The following AKAP9 variants were observed in gnomAD, a reference collection of about 807,000 sequenced individuals.
AKAP9 encodes the protein A-kinase anchoring protein 9.
AKAP9 carries 311 observed loss-of-function variants against 488.5 expected under a neutral mutation model. That is an observed-to-expected ratio of 0.64 (90% confidence interval 0.58 to 0.70). The LOEUF (loss-of-function observed/expected upper bound fraction) is 0.70. Among genes scored for constraint, AKAP9 ranks in the 30% least tolerant of loss-of-function variants. AKAP9 has a pLI of 0.00. For synonymous variants in AKAP9, 1,462 were observed against 1,483.5 expected, an observed-to-expected ratio of 0.99 and a Z score of 0.33; for missense variants, 4,215 against 4,374.5, an observed-to-expected ratio of 0.96 and a Z score of 1.03.
At chr7:91,978,715 T>C (rs1796009114) in intron 2 of AKAP9, among the ~76,000 whole-genome samples, 1 of 151,934 alleles carries the variant, frequency 6.6e-6, no homozygotes, top group African/African-American at 2.4e-5. Flanking sequence ...GATTTTTCTT[T>C]CAGAGAAATT....
chr7:92,089,308 T>G, intron 37 of AKAP9, 77 bp from the exon 38 acceptor site: 1 of 1,531,690 alleles, frequency 6.5e-7, no homozygotes, highest in Non-Finnish European at 9.0e-7. Flanking sequence ...CCATTCATTC[T>G]TCTTTAGATT....
intron 22 of AKAP9, among the ~76,000 whole-genome samples, chr7:92,054,211 C>T (rs1404093472): frequency 6.6e-6 from 1 of 152,106 alleles, no homozygotes; most frequent in African/African-American, 2.4e-5. Context: ...CTAAAATTAT[C>T]TTGAACCTGA....
intron 7 of AKAP9, among the ~76,000 whole-genome samples, chr7:91,998,495 A>G (rs913735993): frequency 1.4e-5 from 2 of 138,026 alleles, no homozygotes; most frequent in African/African-American, 2.7e-5. Context: ...GTACTTTGAA[A>G]TAAGTGATAC....
intron 37 of AKAP9, among the ~76,000 whole-genome samples, chr7:92,087,968 C>T (rs1468420476): frequency 1.3e-5 from 2 of 151,830 alleles, no homozygotes; most frequent in Non-Finnish European, 2.9e-5. Context: ...TAGGAAATCA[C>T]CCTTTATTAA....
At position 92,089,428 on chromosome 7, in the gene AKAP9, A is replaced by G; in HGVS notation, c.9257A>G (p.Asp3086Gly). The change falls in exon 38 of 50, where the codon GAT (aspartate) becomes GGT (glycine). Residue 3086 changes from aspartate (D) to glycine (G), a missense_variant. By Grantham distance (94) the Asp-to-Gly change is moderately conservative (BLOSUM62 -1). This residue lies in a region of AKAP9 where 1,476 missense variants were observed against 1,477.4 expected (regional missense o/e 1.00). Coordinates refer to ENST00000356239, the MANE Select transcript of AKAP9 (RefSeq NM_005751.5). ...GCTATGGAATGCCTCCAGAAAGCAG[A>G]TAGAAGGAGTTTGTTATCTGAAATT... ...QAAMECLQKA[D>G]RRSLLSEIQA... 1.2e-6 allele frequency: 2 copies of G among 1,612,358 alleles called. No individual in the cohort carries two copies. Among genetic ancestry groups the G allele is most frequent in the East Asian group, 2.2e-5 (1 of 44,776 alleles).
In AKAP9 at chr7:91,966,253, C is replaced by A. The variant is rs567180919; in HGVS notation, c.49-7458C>A. Among the ~76,000 whole-genome samples, 8 of 152,028 alleles carry A rather than the reference C, an allele frequency of 5.3e-5. No individual in the cohort carries two copies. In the South Asian group the frequency reaches 1.2e-3, roughly 24 times the overall value. On this transcript the variant is annotated intron_variant, in intron 1 of 49. Transcript: ENST00000356239. ...TTTTTGTTGCCTCTGCTTTTGAGAT[C>A]TTAGACAAAAAAAAACTTTCCCCAG...
intron 45 of AKAP9, among the ~76,000 whole-genome samples, chr7:92,101,700 T>C (rs572939495): frequency 6.6e-6 from 1 of 152,316 alleles, no homozygotes; most frequent in South Asian, 2.1e-4. Context: ...CATCATACTC[T>C]GTAAAATGGT....
intron 22 of AKAP9, among the ~76,000 whole-genome samples, chr7:92,055,033 G>A (rs1808551938): frequency 6.6e-6 from 1 of 151,938 alleles, no homozygotes. Flanking sequence ...AGCAATTAAA[G>A]TTTTCCAGAA....
At chr7:92,030,202 G>T (rs1337180252) in intron 15 of AKAP9, among the ~76,000 whole-genome samples, 2 of 152,138 alleles carry the variant, frequency 1.3e-5, no homozygotes, top group African/African-American at 4.8e-5. Context: ...AGTTAAGTTT[G>T]GGGGTTATAT....
Position 92,079,127 on chromosome 7 carries a change from G to A in AKAP9, c.6994G>A (p.Glu2332Lys). The change falls in exon 31 of 50, where the codon GAA (glutamate) becomes AAA (lysine). Residue 2332 changes from glutamate (E) to lysine (K), a missense_variant. Glu to Lys is a moderately conservative substitution (Grantham distance 56, BLOSUM62 1). This residue lies in a region of AKAP9 where 1,476 missense variants were observed against 1,477.4 expected (regional missense o/e 1.00). Coordinates refer to ENST00000356239, the MANE Select transcript of AKAP9 (RefSeq NM_005751.5). The stretch of plus-strand genomic sequence containing the variant: ...GATAAGGGATCTTGAAACCCAAATA[G>A]AATGTTTGATGAGTGATCAAGAATG... Reference protein sequence around the residue: ...ELIRDLETQIECLMSDQECVK... With the variant: ...ELIRDLETQIKCLMSDQECVK... 6.2e-7 allele frequency: 1 copy of A among 1,613,144 alleles called. No individual in the cohort carries two copies. The highest frequency in any genetic ancestry group is 8.5e-7 in the Non-Finnish European group (1 of 1,179,666).
At chr7:92,081,495 A>ATTTT (rs1296911918) in intron 31 of AKAP9, among the ~76,000 whole-genome samples, 1,273 of 100,356 alleles carry the variant, frequency 0.013, 6 homozygotes, top group Middle Eastern at 0.028. Context: ...ATATATATAT[A>ATTTT]TATTTTTTTT....
Position 92,086,270 on chromosome 7 carries a change from C to A in AKAP9, c.9067C>A (p.Arg3023=), listed in dbSNP as rs773435639. ...SQSHESFSDW[R]GELLLALQQV... ...ATCTCATGAGAGCTTCTCAGACTGG[C>A]GAGGTGAACTACTGCTTGCCCTTCA... Residue 3023 remains arginine, a synonymous_variant, in exon 37 of 50, where the codon CGA becomes AGA. Transcript: ENST00000356239. 10 of 1,614,044 alleles carry A rather than the reference C, an allele frequency of 6.2e-6. No individual in the cohort carries two copies. In the South Asian group the frequency reaches 9.9e-5, roughly 16 times the overall value.
intron 39 of AKAP9, 138 bp downstream of exon 39, chr7:92,093,454 A>G (rs1302182965): frequency 2.6e-6 from 2 of 767,224 alleles, no homozygotes; most frequent in East Asian, 2.7e-5. Context: ...AAAAACTATA[A>G]TAGAAAAAAC....
intron 8 of AKAP9, among the ~76,000 whole-genome samples, chr7:92,007,898 T>C (rs1283313582): frequency 6.6e-6 from 1 of 152,208 alleles, no homozygotes; most frequent in Non-Finnish European, 1.5e-5. Context: ...TTAAATATAT[T>C]GATTTTATAA....
intron 2 of AKAP9, among the ~76,000 whole-genome samples, chr7:91,976,167 TC>T (rs1795662742): frequency 6.6e-6 from 1 of 152,054 alleles, no homozygotes; most frequent in South Asian, 2.1e-4. Flanking sequence ...AAGTGATACG[TC>T]CACCTCAGCC....
chr7:91,987,421 A>G (rs2130617414), intron 3 of AKAP9, among the ~76,000 whole-genome samples: 1 of 147,526 alleles, frequency 6.8e-6, no homozygotes, highest in East Asian at 2.0e-4. Flanking sequence ...TTCTATCTCG[A>G]AAAAAAAAAA....
Position 92,001,643 on chromosome 7 carries a change from G to C in AKAP9, c.1726G>C (p.Val576Leu), listed in dbSNP as rs755627326. 6.2e-7 allele frequency: 1 copy of C among 1,613,100 alleles called. No individual in the cohort carries two copies. Among genetic ancestry groups the C allele is most frequent in the African/African-American group, 1.3e-5 (1 of 74,886 alleles). The change falls in exon 8 of 50, where the codon GTT becomes CTT. Residue 576 changes from valine (V) to leucine (L), a missense_variant. By Grantham distance (32) the Val-to-Leu change is conservative. Around this residue, in one of 5 missense-constraint regions of AKAP9, gnomAD observed 2,361 missense variants for 2,430.0 expected, o/e 0.97. Transcript: ENST00000356239. ...AGTGGAAGATTTGAAAGCTGAGATT[G>C]TTTCTGCATCTGAATCCAGAAAGGA... Reference protein sequence around the residue: ...STVEDLKAEIVSASESRKELE... With the variant: ...STVEDLKAEILSASESRKELE...
At chr7:92,039,596 A>G (rs1235947230) in intron 17 of AKAP9, among the ~76,000 whole-genome samples, 2 of 152,214 alleles carry the variant, frequency 1.3e-5, no homozygotes, top group African/African-American at 4.8e-5. Context: ...AATAAATCCT[A>G]CTTCTTTTAA....
chr7:92,057,205 T>C (rs192615189), intron 22 of AKAP9, among the ~76,000 whole-genome samples: 4 of 152,220 alleles, frequency 2.6e-5, no homozygotes, highest in Admixed American at 6.6e-5. Context: ...ATAGTTTTAG[T>C]GGCTGCTTGA....
Sources: gnomAD v4.1 joint callset for allele counts (sites outside exome capture counted in the v4.1 genomes callset) on GRCh38, gnomAD v4.1.1 for gene constraint, gnomAD v4.1.1 regional missense constraint, MANE v1.5 for transcripts, NCBI Gene and HGNC (gene_info 2026-07-23, HGNC 2026-07-21) for gene names.